Variants in HTR4 observed in about 807,000 individuals in gnomAD.
The protein encoded by HTR4 is 5-hydroxytryptamine receptor 4.
Under a neutral mutation model 36.8 loss-of-function variants are expected in HTR4, and 16 were observed. That is an observed-to-expected ratio of 0.43 (90% CI 0.29 to 0.66). The LOEUF is 0.66. HTR4 is among the 30% of genes least tolerant of loss of function. The pLI is 0.13. For synonymous variants in HTR4, 189 were observed against 185.1 expected, an observed-to-expected ratio of 1.02 and a Z score of -0.17; for missense variants, 438 against 490.9, an observed-to-expected ratio of 0.89 and a Z score of 1.02.
intron 1 of HTR4, chr5:148,645,124 A>G (rs533621597): frequency 6.6e-6 from 1 of 152,352 alleles, no homozygotes; most frequent in African/African-American, 2.4e-5. Context: ...AGATGGTATG[A>G]AAAGGTGGCA....
Position 148,481,760 on chromosome 5 carries a change from G to A in HTR4, c.*1443C>T. The stretch of plus-strand genomic sequence containing the variant: ...CAAAGTCAGAATCTCACATGGCTCT[G>A]GGTTTGGCATTTACCTTCCCGGGAC... On this transcript the variant is annotated 3_prime_UTR_variant, in exon 7 of 7. Coordinates refer to ENST00000377888, the MANE Select transcript of HTR4 (RefSeq NM_000870.7). 7.1e-7 allele frequency: 1 copy of A among 1,417,442 alleles called. No homozygotes were observed. The highest frequency in any genetic ancestry group is 2.5e-5 in the East Asian group (1 of 39,464). The allele number at this position is 1,417,442 out of a possible 1,614,324, so 87.8% of individuals were successfully genotyped here.
chr5:148,490,893 C>T (rs1756387784), intron 6 of HTR4: 1 of 455,816 alleles, frequency 2.2e-6, no homozygotes, highest in African/African-American at 2.0e-5. Flanking sequence ...CCTCTTTGCT[C>T]TAAGCTCAGC....
intron 4 of HTR4, among the ~76,000 whole-genome samples, chr5:148,525,761 T>C (rs912841431): frequency 3.9e-5 from 6 of 152,240 alleles, no homozygotes; most frequent in African/African-American, 1.4e-4. Flanking sequence ...TGGGTTGAAT[T>C]GTGTCCTTCC....
chr5:148,540,406 A>ATATATATATAT (rs1759052679), intron 4 of HTR4, among the ~76,000 whole-genome samples: 1 of 28,714 alleles, frequency 3.5e-5, no homozygotes, highest in Non-Finnish European at 1.2e-4. Context: ...GTGTGTATAT[A>ATATATATATAT]TATATATATA....
intron 6 of HTR4, among the ~76,000 whole-genome samples, chr5:148,504,817 T>G (rs997953397): frequency 3.3e-5 from 5 of 152,082 alleles, no homozygotes; most frequent in East Asian, 1.9e-4. Context: ...GGGATATCAC[T>G]ACCGATCCCA....
chr5:148,581,838 G>A (rs1482287585), intron 2 of HTR4, among the ~76,000 whole-genome samples: 1 of 151,996 alleles, frequency 6.6e-6, no homozygotes, highest in Non-Finnish European at 1.5e-5. Flanking sequence ...GCAGTTGCAT[G>A]AAAATTTAAG....
intron 2 of HTR4, among the ~76,000 whole-genome samples, chr5:148,592,146 A>T (rs1761597684): frequency 6.6e-6 from 1 of 152,198 alleles, no homozygotes; most frequent in Non-Finnish European, 1.5e-5. Context: ...AAAAAATCAA[A>T]TAACATGTTC....
intron 2 of HTR4, among the ~76,000 whole-genome samples, chr5:148,605,393 G>T (rs553066081): frequency 6.6e-6 from 1 of 151,290 alleles, no homozygotes; most frequent in South Asian, 2.1e-4. Flanking sequence ...CAAGTAGCTG[G>T]GATTACAGGT....
At chr5:148,547,829 G>A (rs1759467238) in intron 4 of HTR4, among the ~76,000 whole-genome samples, 1 of 152,172 alleles carries the variant, frequency 6.6e-6, no homozygotes, top group Non-Finnish European at 1.5e-5. Context: ...GACACAGTAA[G>A]AAATCATTGT....
intron 5 of HTR4, among the ~76,000 whole-genome samples, chr5:148,515,403 A>C (rs944796981): frequency 6.6e-6 from 1 of 152,232 alleles, no homozygotes. Flanking sequence ...TACACTATCC[A>C]CATATTTATC....
chr5:148,638,311 G>C (rs1426002400), intron 1 of HTR4, among the ~76,000 whole-genome samples: 1 of 152,232 alleles, frequency 6.6e-6, no homozygotes, highest in Non-Finnish European at 1.5e-5. Flanking sequence ...CTGAAGGAAA[G>C]TAGCTCTGTC....
At chr5:148,528,477 G>A (rs762314475) in intron 4 of HTR4, among the ~76,000 whole-genome samples, 9 of 151,630 alleles carry the variant, frequency 5.9e-5, no homozygotes, top group East Asian at 5.8e-4. Flanking sequence ...CTTTGCTTTC[G>A]AGCAAAAAAT....
At chr5:148,599,847 G>A (rs1761918903) in intron 2 of HTR4, among the ~76,000 whole-genome samples, 1 of 151,910 alleles carries the variant, frequency 6.6e-6, no homozygotes, top group African/African-American at 2.4e-5. Flanking sequence ...CCTTAGCATT[G>A]TCTGAGAAAT....
intron 2 of HTR4, among the ~76,000 whole-genome samples, chr5:148,581,629 T>C (rs1761139777): frequency 6.6e-6 from 1 of 152,222 alleles, no homozygotes; most frequent in Non-Finnish European, 1.5e-5. Context: ...GCATCCTTAT[T>C]GAAGATTAAT....
At chr5:148,585,908 A>C (rs566611769) in intron 2 of HTR4, among the ~76,000 whole-genome samples, 9 of 152,078 alleles carry the variant, frequency 5.9e-5, no homozygotes, top group African/African-American at 2.2e-4. Context: ...AACATGTCAA[A>C]CTTGCTCCTT....
At chr5:148,604,590 A>G (rs1362482461) in intron 2 of HTR4, among the ~76,000 whole-genome samples, 1 of 152,256 alleles carries the variant, frequency 6.6e-6, no homozygotes, top group African/African-American at 2.4e-5. Context: ...GAGTGTAAAA[A>G]TCAAAACAAT....
intron 5 of HTR4, among the ~76,000 whole-genome samples, chr5:148,463,155 C>CTTTTTTTTTTTTTTTTT (rs1175722648): frequency 1.2e-5 from 1 of 82,558 alleles, no homozygotes; most frequent in Non-Finnish European, 2.4e-5. Flanking sequence ...CTTTTCATTT[C>CTTTTTTTTTTTTTTTTT]TTTTTTTTTC....
At chr5:148,594,775 G>A (rs1243287202) in intron 2 of HTR4, among the ~76,000 whole-genome samples, 2 of 152,110 alleles carry the variant, frequency 1.3e-5, no homozygotes, top group African/African-American at 4.8e-5. Flanking sequence ...GACAAGGCTG[G>A]CTTTAACCCT....
intron 2 of HTR4, among the ~76,000 whole-genome samples, chr5:148,575,566 C>T (rs1760861198): frequency 6.6e-6 from 1 of 152,006 alleles, no homozygotes; most frequent in South Asian, 2.1e-4. Context: ...CTACCCACTC[C>T]TAGGCACAGA....
Sources: allele counts gnomAD v4.1 joint callset (sites outside exome capture counted in the v4.1 genomes callset), GRCh38; gene constraint gnomAD v4.1.1; transcripts MANE v1.5; gene names NCBI Gene and HGNC (gene_info 2026-07-23, HGNC 2026-07-21).